The following AK5 variants were observed in gnomAD, a reference collection of about 807,000 sequenced individuals.
AK5 encodes the protein adenylate kinase isoenzyme 5.
Under a neutral mutation model 69.5 loss-of-function variants are expected in AK5, and 27 were observed. The observed-to-expected ratio is 0.39, with a 90% CI of 0.29 to 0.54. AK5 has a LOEUF of 0.54. Among genes scored for constraint, AK5 ranks in the 20% least tolerant of loss-of-function variants. The pLI, the probability that AK5 is intolerant of heterozygous loss-of-function variation, is 0.71. For missense variants in AK5, 531 were observed against 700.4 expected (o/e 0.76, Z 2.73); for synonymous variants, 260 against 244.4 (o/e 1.06, Z -0.60).
chr1:77,489,779 A>G (rs1655860645), intron 10 of AK5, among the ~76,000 whole-genome samples: 1 of 152,174 alleles, frequency 6.6e-6, no homozygotes, highest in African/African-American at 2.4e-5. Flanking sequence ...CTTTTTGTCC[A>G]CAGAAAGGTC....
At chr1:77,323,490 T>C (rs1339156878) in intron 5 of AK5, among the ~76,000 whole-genome samples, 1 of 152,238 alleles carries the variant, frequency 6.6e-6, no homozygotes, top group Non-Finnish European at 1.5e-5. Context: ...TCATTGATTC[T>C]TCTTGTCTGA....
chr1:77,521,843 T>C lies in AK5; in HGVS notation c.1328T>C (p.Leu443Pro), dbSNP rs1570304179. 6.2e-7 allele frequency: 1 copy of C among 1,613,592 alleles called. No homozygotes were observed. Among genetic ancestry groups the C allele is most frequent in the African/African-American group, 1.3e-5 (1 of 74,952 alleles). The change falls in exon 12 of 14, where the codon CTC (leucine) becomes CCC (proline). Residue 443 changes from leucine (L) to proline (P), a missense_variant. By Grantham distance (98) the Leu-to-Pro change is moderately conservative. Coordinates refer to ENST00000354567, the MANE Select transcript of AK5 (RefSeq NM_174858.3). ...DLVPSGIVLE[L>P]LKEAMVASLG... ...TTGCTCCAGGGCATCGTTTTGGAGC[T>C]CCTGAAGGAGGCCATGGTGGCCAGC...
rs550847133 is a variant in AK5 at position 77,492,408 on chromosome 1, C to T, written c.1147+6056C>T. Among the ~76,000 whole-genome samples the T allele has an allele frequency of 2.6e-5, 4 of 152,252 alleles. No individual in the cohort carries two copies. In the South Asian group the frequency reaches 6.2e-4, roughly 24 times the overall value. On this transcript the variant is annotated intron_variant, in intron 10 of 13. Coordinates refer to ENST00000354567, the MANE Select transcript of AK5 (RefSeq NM_174858.3). ...ACAACCATTGCTTCTGCACCACCTC[C>T]GAAATGCTAATAACCTCTTAGTGTT...
intron 8 of AK5, among the ~76,000 whole-genome samples, chr1:77,422,362 G>T (rs1036357038): frequency 3.3e-5 from 5 of 152,074 alleles, no homozygotes; most frequent in African/African-American, 9.7e-5. Flanking sequence ...AACTTTTCTT[G>T]GCTCTTCATC....
intron 8 of AK5, among the ~76,000 whole-genome samples, chr1:77,465,554 A>G (rs1654090709): frequency 6.6e-6 from 1 of 152,120 alleles, no homozygotes; most frequent in African/African-American, 2.4e-5. Flanking sequence ...GCTGAATGCT[A>G]GAGTTGTTGT....
intron 8 of AK5, among the ~76,000 whole-genome samples, chr1:77,470,857 ATATATATATATATATATATTT>A (rs1484818488): frequency 0.056 from 111 of 2,000 alleles, 3 homozygotes; most frequent in African/African-American, 0.11. Context: ...ATATATATAT[ATATATATATATATATATATTT>A]TTTTTTTTTT....
At chr1:77,352,561 G>A (rs1465390018) in intron 6 of AK5, among the ~76,000 whole-genome samples, 1 of 152,204 alleles carries the variant, frequency 6.6e-6, no homozygotes, top group African/African-American at 2.4e-5. Flanking sequence ...TATTGATAAT[G>A]CCTGTTAATG....
chr1:77,329,159 A>C (rs1367364770), intron 5 of AK5, among the ~76,000 whole-genome samples: 2 of 151,894 alleles, frequency 1.3e-5, no homozygotes, highest in East Asian at 3.9e-4. Flanking sequence ...TAAACCACCA[A>C]AATAAAGATT....
At chr1:77,413,162 T>A (rs1245167314) in intron 7 of AK5, among the ~76,000 whole-genome samples, 1 of 152,012 alleles carries the variant, frequency 6.6e-6, no homozygotes, top group Non-Finnish European at 1.5e-5. Flanking sequence ...TGCCATAACA[T>A]CCCCTCCCCA....
chr1:77,361,495 T>C (rs1306929965), intron 6 of AK5, among the ~76,000 whole-genome samples: 1 of 152,196 alleles, frequency 6.6e-6, no homozygotes, highest in African/African-American at 2.4e-5. Context: ...CTATTAAGAC[T>C]AAGTGAAATA....
intron 12 of AK5, among the ~76,000 whole-genome samples, chr1:77,527,909 A>G (rs1383948888): frequency 6.6e-6 from 1 of 152,180 alleles, no homozygotes; most frequent in Non-Finnish European, 1.5e-5. Context: ...AAAATACAAA[A>G]TTAGCGGGAC....
At chr1:77,377,077 G>A (rs1647299746) in intron 6 of AK5, among the ~76,000 whole-genome samples, 1 of 152,196 alleles carries the variant, frequency 6.6e-6, no homozygotes, top group African/African-American at 2.4e-5. Flanking sequence ...GTACGAAGCA[G>A]ATCCTCTCCC....
At chr1:77,478,998 A>G (rs1266571651) in intron 8 of AK5, among the ~76,000 whole-genome samples, 1 of 151,790 alleles carries the variant, frequency 6.6e-6, no homozygotes, top group Non-Finnish European at 1.5e-5. Flanking sequence ...TGCCCTCCTA[A>G]TGGGTCTTGA....
intron 6 of AK5, among the ~76,000 whole-genome samples, chr1:77,347,478 T>A (rs1016198451): frequency 1.7e-4 from 26 of 152,358 alleles, no homozygotes; most frequent in Admixed American, 3.3e-4. Flanking sequence ...TGGGGATTAC[T>A]CAGTGTTGCC....
chr1:77,337,555 G>A (rs774713126), intron 5 of AK5, among the ~76,000 whole-genome samples: 4 of 152,060 alleles, frequency 2.6e-5, no homozygotes, highest in Middle Eastern at 3.4e-3. Flanking sequence ...GCTGAAGCTG[G>A]ATGTTACTGG....
At chr1:77,321,539 A>G (rs1488052891) in intron 5 of AK5, among the ~76,000 whole-genome samples, 1 of 152,218 alleles carries the variant, frequency 6.6e-6, no homozygotes, top group Non-Finnish European at 1.5e-5. Context: ...TAGCAGAAAA[A>G]GCATTTGACA....
chr1:77,459,419 A>G (rs1327155646), intron 8 of AK5, among the ~76,000 whole-genome samples: 2 of 152,128 alleles, frequency 1.3e-5, no homozygotes, highest in Non-Finnish European at 2.9e-5. Context: ...CACCACCACC[A>G]CTACCCCAGT....
intron 8 of AK5, among the ~76,000 whole-genome samples, chr1:77,473,424 C>A (rs1052851000): frequency 6.6e-6 from 1 of 151,866 alleles, no homozygotes; most frequent in Admixed American, 6.6e-5. Flanking sequence ...ACCTCCTACA[C>A]GGTCTAAGAA....
At chr1:77,344,959 T>C (rs1401218382) in intron 6 of AK5, among the ~76,000 whole-genome samples, 4 of 148,168 alleles carry the variant, frequency 2.7e-5, no homozygotes, top group Non-Finnish European at 4.5e-5. Flanking sequence ...TGCAATTTTG[T>C]TTATTTTTAA....
Sources: gnomAD v4.1 joint callset for allele counts (sites outside exome capture counted in the v4.1 genomes callset) on GRCh38, gnomAD v4.1.1 for gene constraint, MANE v1.5 for transcripts, NCBI Gene and HGNC (gene_info 2026-07-23, HGNC 2026-07-21) for gene names.